The following NTRK2 variants were observed in gnomAD, a reference collection of about 807,000 sequenced individuals.
NTRK2 encodes neurotrophic receptor tyrosine kinase 2.
In NTRK2, 13 loss-of-function variants were observed where a neutral mutation model predicts 94.5. The ratio of observed to expected loss-of-function variants is 0.14; its 90% CI spans 0.09 to 0.22. The LOEUF is 0.22. Among genes scored for constraint, NTRK2 ranks in the 10% least tolerant of loss-of-function variants. NTRK2 has a pLI of 1.00. For missense variants in NTRK2, 639 were observed against 1,071.2 expected (o/e 0.60, Z 5.63); for synonymous variants, 372 against 407.4 (o/e 0.91, Z 1.05).
intron 15 of NTRK2, among the ~76,000 whole-genome samples, chr9:84,941,614 A>C (rs554247365): frequency 2.0e-4 from 31 of 152,310 alleles, no homozygotes; most frequent in Admixed American, 1.7e-3. Flanking sequence ...CCAGTCAAAC[A>C]ATGGTCTACC....
intron 6 of NTRK2, among the ~76,000 whole-genome samples, chr9:84,711,653 GGAA>G (rs1564104357): frequency 6.6e-6 from 1 of 152,214 alleles, no homozygotes; most frequent in Non-Finnish European, 1.5e-5. Flanking sequence ...TTGTGCACAA[GGAA>G]TCTGTGTATT....
chr9:84,981,265 GTT>G (rs11390659), intron 17 of NTRK2, among the ~76,000 whole-genome samples: 19 of 149,720 alleles, frequency 1.3e-4, no homozygotes, highest in African/African-American at 3.7e-4. Flanking sequence ...TTGTTTTGTT[GTT>G]TTTTTTTTAT....
chr9:84,996,623 G>T (rs1414514540), intron 17 of NTRK2, among the ~76,000 whole-genome samples: 3 of 152,214 alleles, frequency 2.0e-5, no homozygotes, highest in African/African-American at 7.2e-5. Flanking sequence ...TGCAGTTGCT[G>T]GGGTAGCGAG....
At chr9:84,733,338 T>C (rs1478821496) in intron 9 of NTRK2, among the ~76,000 whole-genome samples, 1 of 152,248 alleles carries the variant, frequency 6.6e-6, no homozygotes, top group Non-Finnish European at 1.5e-5. Flanking sequence ...GATTTCTGCC[T>C]CTGAGTGCCT....
chr9:84,969,276 C>T (rs569919161), intron 17 of NTRK2, among the ~76,000 whole-genome samples: 383 of 152,356 alleles, frequency 2.5e-3, no homozygotes, highest in Middle Eastern at 0.014. Flanking sequence ...TGGTCCAGAA[C>T]GATCACTCGC....
chr9:84,969,819 C>T (rs1342453190), intron 17 of NTRK2, among the ~76,000 whole-genome samples: 3 of 152,148 alleles, frequency 2.0e-5, no homozygotes, highest in Non-Finnish European at 4.4e-5. Flanking sequence ...TCCATGGATC[C>T]CTTTAGGATC....
Position 84,707,925 on chromosome 9 carries a change from T to G in NTRK2, c.428+13T>G. On this transcript the variant is annotated intron_variant, in intron 5 of 18. Coordinates refer to ENST00000277120, the MANE Select transcript of NTRK2 (RefSeq NM_006180.6). ...ACTTGTCTGAACTGTAAGTAATGAT[T>G]TTGTGTGGCATTTGGGGAAATGTTT... 1 of 1,607,632 alleles carries G rather than the reference T, an allele frequency of 6.2e-7. No individual in the cohort carries two copies. Among genetic ancestry groups the G allele is most frequent in the Non-Finnish European group, 8.5e-7 (1 of 1,174,524 alleles).
chr9:84,766,939 T>G (rs2132743482), intron 12 of NTRK2, among the ~76,000 whole-genome samples: 1 of 152,258 alleles, frequency 6.6e-6, no homozygotes, highest in East Asian at 1.9e-4. Context: ...CATCCCAGAA[T>G]GATGGCTTGA....
At chr9:84,942,314 C>A (rs974982750) in intron 15 of NTRK2, among the ~76,000 whole-genome samples, 1 of 152,214 alleles carries the variant, frequency 6.6e-6, no homozygotes, top group Admixed American at 6.5e-5. Flanking sequence ...TTGATAGACA[C>A]TTCCTCTACC....
intron 2 of NTRK2, among the ~76,000 whole-genome samples, chr9:84,695,353 T>G (rs1451941831): frequency 1.3e-5 from 2 of 152,178 alleles, no homozygotes; most frequent in African/African-American, 4.8e-5. Flanking sequence ...CTTGAAGAGA[T>G]TACCTAGAGG....
At chr9:85,006,802 A>G (rs917752349) in intron 17 of NTRK2, among the ~76,000 whole-genome samples, 1 of 152,146 alleles carries the variant, frequency 6.6e-6, no homozygotes, top group Non-Finnish European at 1.5e-5. Flanking sequence ...TACAGTTTCA[A>G]CAGGACATAG....
chr9:84,710,632 T>C lies in NTRK2; in HGVS notation c.429-5T>C, dbSNP rs1163619448. On this transcript the variant is annotated splice_region_variant and splice_polypyrimidine_tract_variant and intron_variant, in intron 5 of 18. Transcript: ENST00000277120. ...TTGATCTGTTGTCATTTTTGTTCCCTGTAGGATCCTGGTGGGCAATCCATT... is the reference window on the plus strand; with the variant it reads ...TTGATCTGTTGTCATTTTTGTTCCCCGTAGGATCCTGGTGGGCAATCCATT... 3.1e-6 allele frequency: 5 copies of C among 1,614,172 alleles called. No individual in the cohort carries two copies. The highest frequency in any genetic ancestry group is 2.5e-6 in the Non-Finnish European group (3 of 1,180,002).
At position 84,670,713 on chromosome 9, in the gene NTRK2, G is replaced by A. The variant is rs201303523; in HGVS notation, c.-36G>A. The A allele has an allele frequency of 1.9e-6, 3 of 1,603,230 alleles. No homozygotes were observed. The highest frequency in any genetic ancestry group is 2.6e-6 in the Non-Finnish European group (3 of 1,174,834). On this transcript the variant is annotated 5_prime_UTR_variant, in exon 2 of 19. Coordinates refer to ENST00000277120, the MANE Select transcript of NTRK2 (RefSeq NM_006180.6). ...TGGGGGAAAGCGGCCGGTGCAGCGC[G>A]GGGACAGGCACTCGGGCTGGCACTG...
At chr9:84,858,638 G>A (rs909633372) in intron 12 of NTRK2, among the ~76,000 whole-genome samples, 1 of 151,582 alleles carries the variant, frequency 6.6e-6, no homozygotes, top group Non-Finnish European at 1.5e-5. Context: ...CTTCTTTTCT[G>A]TGCTCACACA....
chr9:84,771,628 C>A (rs1200544181), intron 12 of NTRK2, among the ~76,000 whole-genome samples: 1 of 152,182 alleles, frequency 6.6e-6, no homozygotes, highest in Non-Finnish European at 1.5e-5. Flanking sequence ...CCTAGTCTTT[C>A]TTTCTGGAAT....
chr9:84,848,067 A>G (rs910571349), intron 12 of NTRK2, among the ~76,000 whole-genome samples: 1 of 131,368 alleles, frequency 7.6e-6, no homozygotes, highest in Non-Finnish European at 1.6e-5. Context: ...CTGTGGCTCC[A>G]GTAGAGAGGG....
intron 12 of NTRK2, among the ~76,000 whole-genome samples, chr9:84,791,031 C>T (rs2068673079): frequency 6.6e-6 from 1 of 152,150 alleles, no homozygotes; most frequent in Non-Finnish European, 1.5e-5. Context: ...TATTTGTTGG[C>T]TAAGTTGACT....
At chr9:84,922,633 T>C (rs2077605037) in intron 14 of NTRK2, among the ~76,000 whole-genome samples, 1 of 152,098 alleles carries the variant, frequency 6.6e-6, no homozygotes, top group South Asian at 2.1e-4. Context: ...ATCCCCAAAA[T>C]GGGGACAGTG....
chr9:84,995,513 A>G (rs548359746), intron 17 of NTRK2, among the ~76,000 whole-genome samples: 1 of 152,290 alleles, frequency 6.6e-6, no homozygotes, highest in East Asian at 1.9e-4. Context: ...AATCCAAAAC[A>G]GGGTGATAAT....
Sources: gnomAD v4.1 joint callset for allele counts (sites outside exome capture counted in the v4.1 genomes callset) on GRCh38, gnomAD v4.1.1 for gene constraint, MANE v1.5 for transcripts, NCBI Gene and HGNC (gene_info 2026-07-23, HGNC 2026-07-21) for gene names.